FAM151A: variants seen among roughly 807,000 people sequenced by gnomAD.
FAM151A encodes family with sequence similarity 151 member A.
In FAM151A, 41 loss-of-function variants were observed where a neutral mutation model predicts 40.4. That is an observed-to-expected ratio of 1.01 (90% confidence interval 0.79 to 1.32). The LOEUF (loss-of-function observed/expected upper bound fraction) is 1.32. Ranked by LOEUF, FAM151A falls within the 40% of genes most tolerant of loss-of-function variation. The pLI is 0.00. For missense variants in FAM151A, 740 were observed against 740.4 expected (o/e 1.00, Z 0.01); for synonymous variants, 337 against 312.5 (o/e 1.08, Z -0.83).
In FAM151A at chr1:54,616,159, G is replaced by T; in HGVS notation, c.276C>A (p.Val92=). The change falls in exon 3 of 8, where the codon GTC becomes GTA. Residue 92 remains valine (V), a synonymous_variant. Coordinates refer to ENST00000302250, the MANE Select transcript of FAM151A (RefSeq NM_176782.3). ...MTAALNSNIT[V]LEADVNVEGL... ...CTTCTACATTGACGTCAGCCTCCAG[G>T]ACTGTGATGTTGCCTGTGGAAGGGG... 1.2e-6 allele frequency: 2 copies of T among 1,614,102 alleles called. No individual in the cohort carries two copies. Among genetic ancestry groups the T allele is most frequent in the African/African-American group, 2.7e-5 (2 of 75,050 alleles).
At chr1:54,615,931 G>A in intron 3 of FAM151A, 89 bp downstream of exon 3, 3 of 1,377,780 alleles carry the variant, frequency 2.2e-6, no homozygotes, top group Non-Finnish European at 2.0e-6. Flanking sequence ...TGTCAGGGCT[G>A]GACTTGCTTC....
intron 1 of FAM151A, among the ~76,000 whole-genome samples, chr1:54,622,109 A>G (rs2101026929): frequency 6.6e-6 from 1 of 150,778 alleles, no homozygotes; most frequent in East Asian, 2.0e-4. Flanking sequence ...CCCCGTCTCT[A>G]GTAAAAATAC....
chr1:54,623,251 C>T lies in FAM151A; in HGVS notation c.118+27G>A, dbSNP rs376756959. The T allele has an allele frequency of 3.3e-6, 5 of 1,524,472 alleles. No homozygotes were observed. In the African/African-American group the frequency reaches 5.5e-5, roughly 17 times the overall value. The allele number at this position is 1,524,472 out of a possible 1,614,324, so 94.4% of individuals were successfully genotyped here. On this transcript the variant is annotated intron_variant, in intron 1 of 7. Coordinates refer to ENST00000302250, the MANE Select transcript of FAM151A (RefSeq NM_176782.3). ...GGAGCGAGCGATGAGGGAAGCCACT[C>T]AGGATGACATGGGGGGAGGCACCTA...
In FAM151A at chr1:54,609,772, G is replaced by A. The variant is rs143234129; in HGVS notation, c.1254C>T (p.Pro418=). The change falls in exon 8 of 8, where the codon CCC becomes CCT. Residue 418 remains proline, a synonymous_variant. Coordinates refer to ENST00000302250, the MANE Select transcript of FAM151A (RefSeq NM_176782.3). ...AGGCCAGGGATGGCCGGAGGGCTGCGGGCTCCGCTATTTGCAAATGGATGC... is the reference window on the plus strand; with the variant it reads ...AGGCCAGGGATGGCCGGAGGGCTGCAGGCTCCGCTATTTGCAAATGGATGC... The part of the protein sequence containing the change: ...HWGIHLQIAE[P]AALRPSLALL... 64 of 1,614,024 alleles carry A rather than the reference G, an allele frequency of 4.0e-5. No individual in the cohort carries two copies. The highest frequency in any genetic ancestry group is 4.8e-5 in the Non-Finnish European group (57 of 1,180,024).
At position 54,623,487 on chromosome 1, in the gene FAM151A, C is replaced by G; in HGVS notation, c.-92G>C. 1.1e-6 allele frequency: 1 copy of G among 887,298 alleles called. No homozygotes were observed. Among genetic ancestry groups the G allele is most frequent in the East Asian group, 2.4e-5 (1 of 41,540 alleles). The allele number at this position is 887,298 out of a possible 1,614,324, so 55.0% of individuals were successfully genotyped here. A position where few individuals can be genotyped will look rare whatever the true frequency, so the allele number is the denominator to read the frequency against. On this transcript the variant is annotated 5_prime_UTR_variant, in exon 1 of 8. Coordinates refer to ENST00000302250, the MANE Select transcript of FAM151A (RefSeq NM_176782.3). ...GGAATCCTGTGGGAGGCAGGAGCTC[C>G]CAGCAGCACCTAATTCTCCACCGGG...
intron 2 of FAM151A, among the ~76,000 whole-genome samples, chr1:54,617,877 C>G (rs113785018): frequency 0.089 from 13,521 of 151,792 alleles, 905 homozygotes; most frequent in African/African-American, 0.17. Context: ...GTATGCACCA[C>G]CACCATGCAC....
chr1:54,609,696 C>A lies in FAM151A; in HGVS notation c.1330G>T (p.Gly444Trp). ...AAACTCCCGTGGGAGATTTTGGCCC[C>A]AACCCACACAGGCCAATGCAAGAGG... Reference protein sequence around the residue: ...LGLLHWPVWVGAKISHGSFSV... With the variant: ...LGLLHWPVWVWAKISHGSFSV... The change falls in exon 8 of 8, where the codon GGG becomes TGG. Residue 444 changes from glycine (G) to tryptophan (W), a missense_variant. Gly to Trp is a radical substitution (Grantham distance 184). Coordinates refer to ENST00000302250, the MANE Select transcript of FAM151A (RefSeq NM_176782.3). The A allele has an allele frequency of 6.2e-7, 1 of 1,614,074 alleles. No individual in the cohort carries two copies. Among genetic ancestry groups the A allele is most frequent in the Non-Finnish European group, 8.5e-7 (1 of 1,180,026 alleles).
chr1:54,619,320 C>T (rs1053318870), intron 2 of FAM151A, among the ~76,000 whole-genome samples: 6 of 152,204 alleles, frequency 3.9e-5, no homozygotes, highest in African/African-American at 1.2e-4. Context: ...TGGCTTGGAG[C>T]GTGCACTCTG....
At chr1:54,616,532 C>T (rs1223658613) in intron 2 of FAM151A, among the ~76,000 whole-genome samples, 1 of 152,056 alleles carries the variant, frequency 6.6e-6, no homozygotes, top group Non-Finnish European at 1.5e-5. Flanking sequence ...TGCCACCATG[C>T]CTAGCTAATT....
chr1:54,620,981 G>A (rs181260535), intron 1 of FAM151A, among the ~76,000 whole-genome samples: 33 of 150,046 alleles, frequency 2.2e-4, no homozygotes, highest in Middle Eastern at 3.5e-3. Context: ...GCAACATGGC[G>A]AAACCCCATC....
chr1:54,612,158 G>T (rs575457866), intron 5 of FAM151A, among the ~76,000 whole-genome samples: 2 of 151,960 alleles, frequency 1.3e-5, no homozygotes, highest in South Asian at 4.2e-4. Flanking sequence ...GGCTATCCTA[G>T]GGCAGGGGTT....
At chr1:54,618,841 G>T (rs1210206597) in intron 2 of FAM151A, among the ~76,000 whole-genome samples, 2 of 152,076 alleles carry the variant, frequency 1.3e-5, no homozygotes, top group East Asian at 3.9e-4. Context: ...AAGGTTATTT[G>T]ATCTTTTTTT....
intron 1 of FAM151A, chr1:54,621,517 G>A (rs1293431944): frequency 2.0e-5 from 3 of 152,176 alleles, no homozygotes; most frequent in Non-Finnish European, 4.4e-5. Flanking sequence ...AGAACGTTGG[G>A]ATCAGGTTGT....
chr1:54,619,837 T>A, intron 2 of FAM151A, 27 bp downstream of exon 2: 12 of 1,611,624 alleles, frequency 7.4e-6, no homozygotes, highest in Non-Finnish European at 1.0e-5. Flanking sequence ...TGCCCTGGCC[T>A]GCCTCAGTCT....
chr1:54,621,208 G>A (rs149866547), intron 1 of FAM151A, among the ~76,000 whole-genome samples: 3,222 of 151,150 alleles, frequency 0.021, 132 homozygotes, highest in African/African-American at 0.075. Context: ...TGTAATCCCA[G>A]CACTTTGGGA....
chr1:54,619,921 C>T lies in FAM151A; in HGVS notation c.205G>A (p.Glu69Lys). The T allele has an allele frequency of 5.0e-6, 8 of 1,614,150 alleles. No homozygotes were observed. Among genetic ancestry groups the T allele is most frequent in the Non-Finnish European group, 6.8e-6 (8 of 1,180,036 alleles). The change falls in exon 2 of 8, where the codon GAG (glutamate) becomes AAG (lysine). Residue 69 changes from glutamate to lysine, a missense_variant. Physicochemically the swap from Glu to Lys is moderately conservative, Grantham distance 56 (BLOSUM62 1). Transcript: ENST00000302250. The part of the protein sequence containing the change: ...LGQISRRDAL[E>K]VTWYHAANSK... The stretch of plus-strand genomic sequence containing the variant: ...TTGGCTGCGTGGTACCAGGTGACCT[C>T]CAAGGCATCTCGCCGGCTGATCTGG...
chr1:54,617,804 A>G (rs1450213832), intron 2 of FAM151A, among the ~76,000 whole-genome samples: 2 of 135,900 alleles, frequency 1.5e-5, no homozygotes, highest in Non-Finnish European at 3.1e-5. Flanking sequence ...GCTCACTGCA[A>G]CCTCTGCCTG....
chr1:54,622,870 C>T (rs1380800697), intron 1 of FAM151A, among the ~76,000 whole-genome samples: 3 of 151,582 alleles, frequency 2.0e-5, no homozygotes, highest in Non-Finnish European at 2.9e-5. Flanking sequence ...TTGGTGGGGA[C>T]GAGGGCTCAA....
At chr1:54,616,328 C>T (rs1033782297) in intron 2 of FAM151A, among the ~76,000 whole-genome samples, 156 bp from the exon 3 acceptor site, 5 of 151,782 alleles carry the variant, frequency 3.3e-5, no homozygotes, top group Non-Finnish European at 7.4e-5. Context: ...TTTCACATTT[C>T]GATGATTTTT....
Sources: allele counts gnomAD v4.1 joint callset (sites outside exome capture counted in the v4.1 genomes callset), GRCh38; gene constraint gnomAD v4.1.1; transcripts MANE v1.5; gene names NCBI Gene and HGNC (gene_info 2026-07-23, HGNC 2026-07-21).